Variants in SLC2A13 observed in about 807,000 individuals in gnomAD.
The protein encoded by SLC2A13 is solute carrier family 2 member 13, also known as proton myo-inositol cotransporter.
SLC2A13 carries 32 observed loss-of-function variants against 64.4 expected under a neutral mutation model. The observed-to-expected ratio is 0.50, with a 90% CI of 0.37 to 0.67. The LOEUF (loss-of-function observed/expected upper bound fraction) is 0.67, where lower values mean the gene tolerates loss of function less well. SLC2A13 is among the 30% of genes least tolerant of loss of function. The pLI is 0.00. For missense variants in SLC2A13, 743 were observed against 829.2 expected, an observed-to-expected ratio of 0.90 and a Z score of 1.28; for synonymous variants, 338 against 327.1, an observed-to-expected ratio of 1.03 and a Z score of -0.36.
chr12:40,028,415 G>A lies in SLC2A13; in HGVS notation c.811C>T (p.Gln271Ter). 6.2e-7 allele frequency: 1 copy of A among 1,613,978 alleles called. No homozygotes were observed. Among genetic ancestry groups the A allele is most frequent in the Non-Finnish European group, 8.5e-7 (1 of 1,179,978 alleles). The change falls in exon 3 of 10, where the codon CAG (glutamine) becomes TAG (stop). Residue 271 changes from glutamine (Q) to a stop codon, truncating the protein, a stop_gained. Coordinates refer to ENST00000280871, the MANE Select transcript of SLC2A13 (RefSeq NM_052885.4). LOFTEE classifies it high-confidence loss of function. ...AAAATTCTACGGGCCTTCTGAGTCT[G>A]TCCTTTCTGAATAAGCCATCGAGGG... ...ESPRWLIQKG[Q>*]TQKARRILSQ...
At chr12:39,831,831 A>G (rs1228129671) in intron 6 of SLC2A13, among the ~76,000 whole-genome samples, 2 of 152,006 alleles carry the variant, frequency 1.3e-5, no homozygotes, top group Non-Finnish European at 2.9e-5. Flanking sequence ...TTCTACCATA[A>G]GCTTCCTGAT....
intron 4 of SLC2A13, among the ~76,000 whole-genome samples, chr12:39,912,361 T>A (rs140055835): frequency 3.0e-4 from 45 of 152,140 alleles, no homozygotes; most frequent in African/African-American, 1.0e-3. Flanking sequence ...GAAGGAAAAC[T>A]ACCATGGGTA....
intron 4 of SLC2A13, among the ~76,000 whole-genome samples, chr12:39,932,787 C>T (rs1565548634): frequency 2.0e-5 from 3 of 151,556 alleles, no homozygotes; most frequent in Non-Finnish European, 4.4e-5. Flanking sequence ...AACTGAAAAG[C>T]CTCTAAGTTG....
intron 3 of SLC2A13, among the ~76,000 whole-genome samples, chr12:40,011,419 T>C (rs1947529537): frequency 6.6e-6 from 1 of 152,156 alleles, no homozygotes; most frequent in Non-Finnish European, 1.5e-5. Context: ...CTTTCTTGGG[T>C]CCTTCCCTTT....
At chr12:39,944,807 T>G (rs1223184218) in intron 4 of SLC2A13, among the ~76,000 whole-genome samples, 1 of 152,202 alleles carries the variant, frequency 6.6e-6, no homozygotes, top group Non-Finnish European at 1.5e-5. Flanking sequence ...GTTCTGTATC[T>G]TTTAAGTGGA....
chr12:39,840,029 T>TTTTTG (rs928472331), intron 6 of SLC2A13, among the ~76,000 whole-genome samples: 5 of 151,986 alleles, frequency 3.3e-5, no homozygotes, highest in African/African-American at 9.7e-5. Flanking sequence ...CCATTCTTTT[T>TTTTTG]TTTTGTTTTG....
At chr12:39,860,461 A>T (rs1315849063) in intron 6 of SLC2A13, among the ~76,000 whole-genome samples, 1 of 152,216 alleles carries the variant, frequency 6.6e-6, no homozygotes, top group Non-Finnish European at 1.5e-5. Flanking sequence ...GGACTTAATT[A>T]TCATGCATGG....
intron 1 of SLC2A13, among the ~76,000 whole-genome samples, chr12:40,060,789 G>T (rs1002362315): frequency 3.3e-5 from 5 of 152,130 alleles, no homozygotes; most frequent in African/African-American, 1.2e-4. Flanking sequence ...ATCCCAAATG[G>T]ATAGTGCAAG....
chr12:39,840,056 G>T (rs758806523), intron 6 of SLC2A13, among the ~76,000 whole-genome samples: 9 of 151,888 alleles, frequency 5.9e-5, no homozygotes, highest in Non-Finnish European at 1.0e-4. Context: ...TTTTGAGACA[G>T]AGTCTCACTC....
chr12:39,873,618 A>G (rs1039921879), intron 4 of SLC2A13, among the ~76,000 whole-genome samples: 7 of 152,236 alleles, frequency 4.6e-5, no homozygotes, highest in Non-Finnish European at 1.0e-4. Context: ...ATTGTGCAAA[A>G]TAATTCTTCC....
chr12:39,851,643 TACAC>T (rs924995021), intron 6 of SLC2A13, among the ~76,000 whole-genome samples: 9 of 152,122 alleles, frequency 5.9e-5, no homozygotes, highest in Non-Finnish European at 1.3e-4. Flanking sequence ...GCAATTCAGA[TACAC>T]ACATAGGAAA....
intron 1 of SLC2A13, among the ~76,000 whole-genome samples, chr12:40,049,507 TG>T (rs1948220805): frequency 1.3e-5 from 2 of 152,142 alleles, no homozygotes; most frequent in African/African-American, 4.8e-5. Flanking sequence ...CTGCAATAGT[TG>T]TGGTTTTCTA....
rs545340434 is a variant in SLC2A13 at position 40,079,488 on chromosome 12, GTGTT to G, written c.556+25761_556+25764del. Among the ~76,000 whole-genome samples the G allele has an allele frequency of 1.0e-3, 154 of 152,272 alleles. 1 individual carries two copies. Among genetic ancestry groups the G allele is most frequent in the Middle Eastern group, 6.8e-3 (2 of 294 alleles). The stretch of plus-strand genomic sequence containing the variant: ...CTGAAAGACTGGTTGGTAGGGTTTT[GTGTT>G]TGTTTTTGTTGAGAATTGCTTTATG... On this transcript the variant is annotated intron_variant, in intron 1 of 9. Coordinates refer to ENST00000280871, the MANE Select transcript of SLC2A13 (RefSeq NM_052885.4).
chr12:39,823,618 ATAT>A (rs71075088), intron 7 of SLC2A13, among the ~76,000 whole-genome samples: 1 of 151,546 alleles, frequency 6.6e-6, no homozygotes, highest in Non-Finnish European at 1.5e-5. Flanking sequence ...GATGATGATG[ATAT>A]TATTATTATT....
chr12:40,026,973 G>A (rs777012562), intron 3 of SLC2A13, among the ~76,000 whole-genome samples: 2 of 152,104 alleles, frequency 1.3e-5, no homozygotes, highest in Non-Finnish European at 2.9e-5. Flanking sequence ...CCAGCTACTC[G>A]GGAGGCCGAG....
intron 1 of SLC2A13, among the ~76,000 whole-genome samples, chr12:40,057,526 A>G (rs1206611003): frequency 2.0e-5 from 3 of 152,190 alleles, no homozygotes; most frequent in Non-Finnish European, 4.4e-5. Flanking sequence ...TTTATTTAAT[A>G]TTTTACTTAA....
chr12:39,856,329 G>A (rs1473975421), intron 6 of SLC2A13, among the ~76,000 whole-genome samples: 1 of 152,036 alleles, frequency 6.6e-6, no homozygotes, highest in Non-Finnish European at 1.5e-5. Context: ...TACTTTCACT[G>A]AAGAGGTTCT....
In SLC2A13 at chr12:39,957,049, G is replaced by A. The variant is rs548313154; in HGVS notation, c.926-5684C>T. ...TCCTTTCCTGAATGCAACCAGAGGC[G>A]GCCATTCTCACACAATCACCAAGAG... On this transcript the variant is annotated intron_variant, in intron 3 of 9. Transcript: ENST00000280871. Among the ~76,000 whole-genome samples, 160 of 152,156 alleles carry A rather than the reference G, an allele frequency of 1.1e-3. 1 individual carries two copies. Among genetic ancestry groups the A allele is most frequent in the African/African-American group, 3.4e-3 (141 of 41,500 alleles).
intron 3 of SLC2A13, among the ~76,000 whole-genome samples, chr12:40,018,141 GCTTT>G (rs1363630646): frequency 1.3e-5 from 2 of 152,190 alleles, no homozygotes; most frequent in African/African-American, 2.4e-5. Context: ...AATCTGGCCG[GCTTT>G]CTGTTTTTAT....
Sources: allele counts gnomAD v4.1 joint callset (sites outside exome capture counted in the v4.1 genomes callset), GRCh38; gene constraint gnomAD v4.1.1; transcripts MANE v1.5; gene names NCBI Gene and HGNC (gene_info 2026-07-23, HGNC 2026-07-21).